SMYD4: variants seen among roughly 807,000 people sequenced by gnomAD.
SMYD4 encodes the protein SET and MYND domain containing 4.
In SMYD4, 68 loss-of-function variants were observed where a neutral mutation model predicts 72.8. The ratio of observed to expected loss-of-function variants is 0.93; its 90% CI spans 0.77 to 1.14. The LOEUF (loss-of-function observed/expected upper bound fraction) is 1.14, where lower values mean the gene tolerates loss of function less well. SMYD4 is among the 50% of genes most tolerant of loss of function. SMYD4 has a pLI of 0.00. For missense variants in SMYD4, 984 were observed against 1,003.7 expected (o/e 0.98, Z 0.27); for synonymous variants, 407 against 388.6 (o/e 1.05, Z -0.56).
At chr17:1,787,907 T>A (rs1403459715) in intron 5 of SMYD4, among the ~76,000 whole-genome samples, 2 of 152,198 alleles carry the variant, frequency 1.3e-5, no homozygotes, top group African/African-American at 4.8e-5. Context: ...GGATGATAAG[T>A]AGGGAGCGTT....
At position 1,800,557 on chromosome 17, in the gene SMYD4, G is replaced by T. The variant is rs760473083; in HGVS notation, c.837C>A (p.His279Gln). The change falls in exon 5 of 11, where the codon CAC becomes CAA. Residue 279 changes from histidine to glutamine, a missense_variant. By Grantham distance (24) the His-to-Gln change is conservative. Coordinates refer to ENST00000305513, the MANE Select transcript of SMYD4 (RefSeq NM_052928.3). Reference sequence around the variant, plus strand: ...TGGTGTCCCATTTGCTGTCTAGGCCGTGATGCGGTGGTGGCAGTTCTCCTG... The same window carrying T: ...TGGTGTCCCATTTGCTGTCTAGGCCTTGATGCGGTGGTGGCAGTTCTCCTG... ...LNPGELPPPH[H>Q]GLDSKWDTRV... The T allele has an allele frequency of 1.1e-5, 17 of 1,614,086 alleles. No homozygotes were observed. Among genetic ancestry groups the T allele is most frequent in the Non-Finnish European group, 1.4e-5 (17 of 1,180,052 alleles).
At chr17:1,792,501 C>T (rs1299028157) in intron 5 of SMYD4, among the ~76,000 whole-genome samples, 1 of 152,092 alleles carries the variant, frequency 6.6e-6, no homozygotes, top group African/African-American at 2.4e-5. Flanking sequence ...CAAAAGTTAG[C>T]CCGGTGTGGT....
At chr17:1,794,106 T>TATATATATATATATA (rs1491522927) in intron 5 of SMYD4, among the ~76,000 whole-genome samples, 2 of 10,628 alleles carry the variant, frequency 1.9e-4, no homozygotes, top group Non-Finnish European at 3.4e-4. Context: ...TATATATATA[T>TATATATATATATATA]TTTTTTTTTT....
intron 7 of SMYD4, 106 bp downstream of exon 7, chr17:1,786,704 G>T: frequency 2.2e-6 from 3 of 1,358,554 alleles, no homozygotes; most frequent in Non-Finnish European, 2.0e-6. Flanking sequence ...GATATTACTG[G>T]TCTCAGCACT....
intron 4 of SMYD4, among the ~76,000 whole-genome samples, chr17:1,803,571 C>G (rs947815996): frequency 1.3e-5 from 2 of 152,024 alleles, no homozygotes; most frequent in Admixed American, 6.6e-5. Context: ...AGCTCACTGA[C>G]TCACTGCAAC....
chr17:1,793,750 ATCC>A (rs1287446350), intron 5 of SMYD4, among the ~76,000 whole-genome samples: 1 of 151,812 alleles, frequency 6.6e-6, no homozygotes, highest in African/African-American at 2.4e-5. Flanking sequence ...TCTGAGGCTT[ATCC>A]AGTCTCATCA....
chr17:1,785,768 AAAAAAAAG>A lies in SMYD4; in HGVS notation c.1884+1034_1884+1041del, dbSNP rs1201143927. ...GACAGGGCAAGACCCCATCTCAAAAAAAAAAAAGAAAAAAAAAAAAACTAATAGAAAAA... is the reference window on the plus strand; with the variant it reads ...GACAGGGCAAGACCCCATCTCAAAAAAAAAAAAAAAAAACTAATAGAAAAA... On this transcript the variant is annotated intron_variant, in intron 7 of 10. Coordinates refer to ENST00000305513, the MANE Select transcript of SMYD4 (RefSeq NM_052928.3). 1.8e-3 allele frequency among the ~76,000 whole-genome samples: 26 copies of A among 14,842 alleles called. 1 individual carries two copies. Among genetic ancestry groups the A allele is most frequent in the Non-Finnish European group, 2.4e-3 (15 of 6,246 alleles). 9.7% of individuals were successfully genotyped at this position (14,842 alleles called of 152,430 possible).
chr17:1,823,549 C>T lies in SMYD4; in HGVS notation c.134+4312G>A, dbSNP rs571553883. On this transcript the variant is annotated intron_variant, in intron 2 of 10. Transcript: ENST00000305513. Reference sequence around the variant, plus strand: ...GGCCTCTGGGCCACTTCCTGGGAGCCGCCTGGGTACTGAGACTCCCCTGCT... The same window carrying T: ...GGCCTCTGGGCCACTTCCTGGGAGCTGCCTGGGTACTGAGACTCCCCTGCT... 3.3e-5 allele frequency among the ~76,000 whole-genome samples: 5 copies of T among 152,204 alleles called. No individual in the cohort carries two copies. The South Asian group carries it at 6.2e-4, about 19-fold the overall frequency.
At chr17:1,790,954 G>A (rs1178916699) in intron 5 of SMYD4, among the ~76,000 whole-genome samples, 2 of 150,830 alleles carry the variant, frequency 1.3e-5, no homozygotes, top group South Asian at 2.1e-4. Context: ...GCGAAACCCC[G>A]TCTCTACTAA....
At chr17:1,790,978 T>G (rs551721180) in intron 5 of SMYD4, among the ~76,000 whole-genome samples, 1 of 151,270 alleles carries the variant, frequency 6.6e-6, no homozygotes, top group South Asian at 2.1e-4. Flanking sequence ...TACAAAAAAA[T>G]TAGCCGGGCA....
At chr17:1,817,124 G>A (rs913350360) in intron 2 of SMYD4, among the ~76,000 whole-genome samples, 1 of 144,812 alleles carries the variant, frequency 6.9e-6, no homozygotes, top group African/African-American at 2.6e-5. Context: ...TGCAACCTCC[G>A]CCTCCCGGGT....
chr17:1,809,878 C>A (rs1047546435), intron 3 of SMYD4, among the ~76,000 whole-genome samples: 92 of 151,952 alleles, frequency 6.1e-4, no homozygotes, highest in Non-Finnish European at 5.9e-5. Context: ...ACCATGTTAG[C>A]CAGGACGGTC....
At chr17:1,821,616 C>T (rs979540280) in intron 2 of SMYD4, among the ~76,000 whole-genome samples, 2 of 152,014 alleles carry the variant, frequency 1.3e-5, no homozygotes, top group Non-Finnish European at 2.9e-5. Context: ...GCAGTATTTG[C>T]AATGTTTAGA....
chr17:1,821,927 T>A lies in SMYD4; in HGVS notation c.134+5934A>T, dbSNP rs140452979. Reference sequence around the variant, plus strand: ...GCCTGGGTGGCAGAGTGAGATTCTGTCTCAAAAAAAAAAAAGGTCTGGTGT... The same window carrying A: ...GCCTGGGTGGCAGAGTGAGATTCTGACTCAAAAAAAAAAAAGGTCTGGTGT... On this transcript the variant is annotated intron_variant, in intron 2 of 10. Coordinates refer to ENST00000305513, the MANE Select transcript of SMYD4 (RefSeq NM_052928.3). 7.0e-3 allele frequency among the ~76,000 whole-genome samples: 800 copies of A among 113,822 alleles called. 8 individuals carry two copies. Among genetic ancestry groups the A allele is most frequent in the African/African-American group, 0.026 (744 of 28,982 alleles). The allele number at this position is 113,822 out of a possible 152,430, so 74.7% of individuals were successfully genotyped here.
At chr17:1,796,299 G>GTTTT (rs35650939) in intron 5 of SMYD4, among the ~76,000 whole-genome samples, 27,785 of 109,458 alleles carry the variant, frequency 0.25, 5,535 homozygotes, top group African/African-American at 0.48. Context: ...ATGCCTGGCT[G>GTTTT]TTTTTTTTTT....
intron 2 of SMYD4, among the ~76,000 whole-genome samples, chr17:1,823,266 C>T (rs1910982729): frequency 6.6e-6 from 1 of 150,586 alleles, no homozygotes; most frequent in Admixed American, 6.6e-5. Context: ...TGGTGGCAGG[C>T]GCCTGTAGTC....
At chr17:1,793,361 T>G (rs188918439) in intron 5 of SMYD4, among the ~76,000 whole-genome samples, 3 of 152,170 alleles carry the variant, frequency 2.0e-5, no homozygotes, top group African/African-American at 7.2e-5. Flanking sequence ...TTGTTCACAA[T>G]TCTGTACCCC....
At chr17:1,829,222 G>C (rs998577343) in intron 1 of SMYD4, 1 of 102,668 alleles carries the variant, frequency 9.7e-6, no homozygotes, top group African/African-American at 3.6e-5. Context: ...TAATTCTCAG[G>C]TGTCACTTAC....
rs1009426847 is a variant in SMYD4 at position 1,829,857 on chromosome 17, C to G, written c.-144G>C. On this transcript the variant is annotated 5_prime_UTR_variant, in exon 1 of 11. Transcript: ENST00000305513. ...CCCCTTGGCGCCCCGCTCCGCCCCGCACCGCGTCCGGCGTCCCGCGCCAGG... is the reference window on the plus strand; with the variant it reads ...CCCCTTGGCGCCCCGCTCCGCCCCGGACCGCGTCCGGCGTCCCGCGCCAGG... 5.9e-6 allele frequency: 2 copies of G among 336,606 alleles called. No individual in the cohort carries two copies. Among genetic ancestry groups the G allele is most frequent in the African/African-American group, 2.2e-5 (1 of 46,212 alleles). 20.9% of individuals were successfully genotyped at this position (336,606 alleles called of 1,614,324 possible).
Sources: gnomAD v4.1 joint callset for allele counts (sites outside exome capture counted in the v4.1 genomes callset) on GRCh38, gnomAD v4.1.1 for gene constraint, MANE v1.5 for transcripts, NCBI Gene and HGNC (gene_info 2026-07-23, HGNC 2026-07-21) for gene names.